The following IGF1R variants were observed in gnomAD, a reference collection of about 807,000 sequenced individuals.
IGF1R encodes the protein insulin like growth factor 1 receptor, also known as insulin-like growth factor 1 receptor.
A neutral mutation model predicts 144.6 loss-of-function variants in IGF1R; 44 were observed. The ratio of observed to expected loss-of-function variants is 0.30; its 90% confidence interval spans 0.24 to 0.39. The LOEUF is 0.39. Ranked by LOEUF, IGF1R falls within the 10% of genes least tolerant of loss-of-function variation. The pLI, the probability that IGF1R is intolerant of heterozygous loss-of-function variation, is 1.00. For missense variants in IGF1R, 1,355 were observed against 1,833.7 expected, an observed-to-expected ratio of 0.74 and a Z score of 4.77; for synonymous variants, 795 against 722.8, an observed-to-expected ratio of 1.10 and a Z score of -1.60.
Position 98,702,738 on chromosome 15 carries a change from T to G in IGF1R, c.95-4824T>G, listed in dbSNP as rs562852207. 2.6e-5 allele frequency among the ~76,000 whole-genome samples: 4 copies of G among 152,212 alleles called. No individual in the cohort carries two copies. In the South Asian group the frequency reaches 8.3e-4, roughly 32 times the overall value. Reference sequence around the variant, plus strand: ...TGAGCCCAGGAATTGGAGACCAACCTGGGCAACATAGGGAAACCCTCTCTC... The same window carrying G: ...TGAGCCCAGGAATTGGAGACCAACCGGGGCAACATAGGGAAACCCTCTCTC... On this transcript the variant is annotated intron_variant, in intron 1 of 20. Coordinates refer to ENST00000650285, the MANE Select transcript of IGF1R (RefSeq NM_000875.5).
rs748417360 is a variant in IGF1R at position 98,916,067 on chromosome 15, C to T, written c.1932C>T (p.Tyr644=). ...TGCCCAACGGCAACCTGAGTTACTA[C>T]ATTGTGCGCTGGCAGCGGCAGCCTC... is the stretch of plus-strand genomic sequence containing the variant. ...PSLPNGNLSY[Y]IVRWQRQPQD... The change falls in exon 9 of 21, where the codon TAC becomes TAT. Residue 644 remains tyrosine, a synonymous_variant. Coordinates refer to ENST00000650285, the MANE Select transcript of IGF1R (RefSeq NM_000875.5). The T allele has an allele frequency of 6.2e-7, 1 of 1,614,188 alleles. No individual in the cohort carries two copies. Among genetic ancestry groups the T allele is most frequent in the East Asian group, 2.2e-5 (1 of 44,880 alleles).
intron 2 of IGF1R, among the ~76,000 whole-genome samples, chr15:98,887,702 G>C (rs1288344726): frequency 1.3e-5 from 2 of 152,206 alleles, no homozygotes; most frequent in East Asian, 3.9e-4. Context: ...TGTGAGCGTT[G>C]TTTCTGTAAC....
chr15:98,788,486 T>C (rs1369233139), intron 2 of IGF1R, among the ~76,000 whole-genome samples: 2 of 152,234 alleles, frequency 1.3e-5, no homozygotes, highest in African/African-American at 2.4e-5. Context: ...GCAGCAACAA[T>C]TAGTGTCTGT....
At chr15:98,834,814 A>G (rs1265297845) in intron 2 of IGF1R, among the ~76,000 whole-genome samples, 1 of 152,210 alleles carries the variant, frequency 6.6e-6, no homozygotes, top group Non-Finnish European at 1.5e-5. Context: ...ATAAACGAGC[A>G]GGAGTAAACC....
chr15:98,745,797 T>A (rs1024033487), intron 2 of IGF1R, among the ~76,000 whole-genome samples: 1 of 152,254 alleles, frequency 6.6e-6, no homozygotes, highest in African/African-American at 2.4e-5. Context: ...AGAACTCTTA[T>A]ACATTGCTGT....
chr15:98,827,870 C>T (rs538334891), intron 2 of IGF1R, among the ~76,000 whole-genome samples: 8 of 152,260 alleles, frequency 5.3e-5, no homozygotes, highest in East Asian at 1.9e-4. Flanking sequence ...CATGAGCCAC[C>T]GCGCCCGGCC....
intron 2 of IGF1R, among the ~76,000 whole-genome samples, chr15:98,857,399 A>G (rs994578265): frequency 6.6e-6 from 1 of 152,130 alleles, no homozygotes; most frequent in African/African-American, 2.4e-5. Flanking sequence ...TTGTATTTTC[A>G]GTAGAGACGG....
At chr15:98,729,459 CTTCTA>C (rs912762927) in intron 2 of IGF1R, among the ~76,000 whole-genome samples, 28 of 151,766 alleles carry the variant, frequency 1.8e-4, no homozygotes, top group African/African-American at 6.3e-4. Flanking sequence ...GCTTTTATTT[CTTCTA>C]TTCTTTTCAA....
chr15:98,957,536 T>G lies in IGF1R; in HGVS notation c.*94T>G. The G allele has an allele frequency of 6.0e-6, 9 of 1,512,582 alleles. No homozygotes were observed. In the South Asian group the frequency reaches 9.1e-5, roughly 15 times the overall value. 93.7% of individuals were successfully genotyped at this position (1,512,582 alleles called of 1,614,324 possible). A position where few individuals can be genotyped will look rare whatever the true frequency, so the allele number is the denominator to read the frequency against. Reference sequence around the variant, plus strand: ...AGTTTTAACAATCCATTCACAAGCCTCCTGTACCTCAGTGGATCTTCAGAA... The same window carrying G: ...AGTTTTAACAATCCATTCACAAGCCGCCTGTACCTCAGTGGATCTTCAGAA... On this transcript the variant is annotated 3_prime_UTR_variant, in exon 21 of 21. Coordinates refer to ENST00000650285, the MANE Select transcript of IGF1R (RefSeq NM_000875.5).
chr15:98,815,322 G>A (rs573492134), intron 2 of IGF1R, among the ~76,000 whole-genome samples: 118 of 152,318 alleles, frequency 7.7e-4, no homozygotes, highest in African/African-American at 2.7e-3. Context: ...CCTATTCCTG[G>A]TGGTAACAAC....
intron 2 of IGF1R, among the ~76,000 whole-genome samples, chr15:98,888,583 T>C (rs1289787642): frequency 1.3e-5 from 2 of 152,164 alleles, no homozygotes; most frequent in African/African-American, 4.8e-5. Flanking sequence ...ATGCATACTT[T>C]TTTGGTGTGA....
chr15:98,734,094 AAT>A (rs2054558333), intron 2 of IGF1R, among the ~76,000 whole-genome samples: 1 of 152,212 alleles, frequency 6.6e-6, no homozygotes, highest in Admixed American at 6.5e-5. Flanking sequence ...GCATCGTATA[AAT>A]CAAAACTAGA....
At chr15:98,888,512 T>G (rs2013753752) in intron 2 of IGF1R, among the ~76,000 whole-genome samples, 1 of 152,082 alleles carries the variant, frequency 6.6e-6, no homozygotes, top group African/African-American at 2.4e-5. Flanking sequence ...TGTGTTATCC[T>G]CTTCAAGAAA....
intron 2 of IGF1R, among the ~76,000 whole-genome samples, chr15:98,827,132 T>TA (rs1405275633): frequency 8.1e-6 from 1 of 123,944 alleles, no homozygotes; most frequent in Non-Finnish European, 1.9e-5. Flanking sequence ...ATCCTTCCCC[T>TA]GCCCCCCAAC....
intron 13 of IGF1R, among the ~76,000 whole-genome samples, chr15:98,927,644 A>G (rs1428564518): frequency 6.6e-6 from 1 of 152,174 alleles, no homozygotes; most frequent in Non-Finnish European, 1.5e-5. Flanking sequence ...GTTGGTAATG[A>G]TCACCTCTGA....
At chr15:98,907,789 C>T (rs2014803610) in intron 5 of IGF1R, among the ~76,000 whole-genome samples, 1 of 152,240 alleles carries the variant, frequency 6.6e-6, no homozygotes, top group Non-Finnish European at 1.5e-5. Flanking sequence ...CTCGTGTGCA[C>T]ACCCTCTGGG....
chr15:98,832,034 C>T (rs550150488), intron 2 of IGF1R, among the ~76,000 whole-genome samples: 2 of 152,220 alleles, frequency 1.3e-5, no homozygotes, highest in African/African-American at 4.8e-5. Context: ...GTCAAGAGTG[C>T]CATGTTTGGG....
At chr15:98,869,189 A>G (rs1411718167) in intron 2 of IGF1R, among the ~76,000 whole-genome samples, 1 of 152,132 alleles carries the variant, frequency 6.6e-6, no homozygotes, top group Non-Finnish European at 1.5e-5. Flanking sequence ...GAAACATAGG[A>G]AAGTACTTAT....
intron 2 of IGF1R, among the ~76,000 whole-genome samples, chr15:98,728,728 G>A (rs1306113171): frequency 6.6e-6 from 1 of 152,224 alleles, no homozygotes. Flanking sequence ...ACTCTCCCGA[G>A]GCCAGCTGGT....
Sources: gnomAD v4.1 joint callset for allele counts (sites outside exome capture counted in the v4.1 genomes callset) on GRCh38, gnomAD v4.1.1 for gene constraint, MANE v1.5 for transcripts, NCBI Gene and HGNC (gene_info 2026-07-23, HGNC 2026-07-21) for gene names.